NIBAN2: variants seen among roughly 807,000 people sequenced by gnomAD.
NIBAN2 encodes the protein protein Niban 2.
NIBAN2 carries 36 observed loss-of-function variants against 81.8 expected under a neutral mutation model. That is an observed-to-expected ratio of 0.44 (90% CI 0.34 to 0.58). The LOEUF is 0.58. NIBAN2 is among the 20% of genes least tolerant of loss of function. The probability of loss-of-function intolerance (pLI) is 0.02; values close to 1 mark genes in which losing one functional copy is unlikely to be tolerated. For missense variants in NIBAN2, 897 were observed against 1,014.1 expected (o/e 0.88, Z 1.57); for synonymous variants, 445 against 441.6 (o/e 1.01, Z -0.10).
chr9:127,513,692 C>T (rs1836775069), intron 8 of NIBAN2, among the ~76,000 whole-genome samples: 1 of 152,158 alleles, frequency 6.6e-6, no homozygotes, highest in Admixed American at 6.5e-5. Context: ...AATAATCCAC[C>T]CCTTGTTTAG....
chr9:127,518,467 C>G (rs1371893131), intron 5 of NIBAN2, among the ~76,000 whole-genome samples: 1 of 152,240 alleles, frequency 6.6e-6, no homozygotes, highest in Admixed American at 6.5e-5. Flanking sequence ...ATTCTCAGCC[C>G]GGCAGGCCAT....
At chr9:127,570,108 T>G (rs998434039), upstream of NIBAN2, among the ~76,000 whole-genome samples, 1 of 152,162 alleles carries the variant, frequency 6.6e-6, no homozygotes. Flanking sequence ...TTTCTGCTTG[T>G]TGACCCCTGG....
Position 127,553,423 on chromosome 9 carries a change from G to A in NIBAN2, c.55+15397C>T, listed in dbSNP as rs536523079. ...CCAGGAGGGAAGGAGTTCCCTGGCTGGGGACTGAACCCCGAGGACGGAAAC... is the reference window on the plus strand; with the variant it reads ...CCAGGAGGGAAGGAGTTCCCTGGCTAGGGACTGAACCCCGAGGACGGAAAC... On this transcript the variant is annotated intron_variant, in intron 1 of 13. Transcript: ENST00000373312. Among the ~76,000 whole-genome samples the A allele has an allele frequency of 3.9e-5, 6 of 152,346 alleles. No homozygotes were observed. The East Asian group carries it at 1.2e-3, about 29-fold the overall frequency.
chr9:127,506,881 G>C lies in NIBAN2; in HGVS notation c.2205C>G (p.Thr735=). The change falls in exon 14 of 14, where the codon ACC becomes ACG. Residue 735 remains threonine, a synonymous_variant. Coordinates refer to ENST00000373312, the MANE Select transcript of NIBAN2 (RefSeq NM_022833.4). The part of the protein sequence containing the change: ...SPSSHPALHT[T]TEDSAGVQTE... Reference sequence around the variant, plus strand: ...TCTGCACCCCTGCACTGTCCTCGGTGGTGGTGTGGAGGGCGGGGTGGCTGC... The same window carrying C: ...TCTGCACCCCTGCACTGTCCTCGGTCGTGGTGTGGAGGGCGGGGTGGCTGC... 4.3e-6 allele frequency: 7 copies of C among 1,612,734 alleles called. No homozygotes were observed. Among genetic ancestry groups the C allele is most frequent in the Non-Finnish European group, 5.9e-6 (7 of 1,179,522 alleles).
At position 127,523,554 on chromosome 9, in the gene NIBAN2, G is replaced by C. The variant is rs184275710; in HGVS notation, c.589+125C>G. 239 of 896,340 alleles carry C rather than the reference G, an allele frequency of 2.7e-4. No individual in the cohort carries two copies. In the African/African-American group the frequency reaches 3.6e-3, roughly 13 times the overall value. 55.5% of individuals were successfully genotyped at this position (896,340 alleles called of 1,614,324 possible). A position where few individuals can be genotyped will look rare whatever the true frequency, so the allele number is the denominator to read the frequency against. ...TACATGGTTTCTTATAACCCCAGAA[G>C]GGAAATTAGAACAGCCTGTAGAGCA... On this transcript the variant is annotated intron_variant, in intron 5 of 13. Transcript: ENST00000373312.
Position 127,546,964 on chromosome 9 carries a change from C to CTA in NIBAN2, c.56-15188_56-15187dup, listed in dbSNP as rs533851975. 1.9e-4 allele frequency among the ~76,000 whole-genome samples: 28 copies of CTA among 151,194 alleles called. 1 individual carries two copies. The South Asian group carries it at 3.8e-3, about 20-fold the overall frequency. ...GCAGCTGAGACACAAAGAGTCCCTGCTAGGGGAGGGAGGACACCGGGAAGG... is the reference window on the plus strand; with the variant it reads ...GCAGCTGAGACACAAAGAGTCCCTGCTATAGGGGAGGGAGGACACCGGGAAGG... On this transcript the variant is annotated intron_variant, in intron 1 of 13. Transcript: ENST00000373312.
chr9:127,525,286 G>GAGA (rs397740013), intron 3 of NIBAN2, 123 bp from the exon 4 acceptor site: 2 of 673,464 alleles, frequency 3.0e-6, no homozygotes, highest in South Asian at 3.5e-5. Flanking sequence ...GGAAGAAGAG[G>GAGA]CAAGAGAGGA....
chr9:127,515,450 G>A (rs1836808935), intron 8 of NIBAN2, among the ~76,000 whole-genome samples: 1 of 151,200 alleles, frequency 6.6e-6, no homozygotes, highest in Admixed American at 6.6e-5. Flanking sequence ...GAACCCGGGA[G>A]GTGGAGCTTG....
rs1162608545 is a variant in NIBAN2 at position 127,508,854 on chromosome 9, G to C, written c.1317+122C>G. ...CAGATGTTCCAAGCAGAGGAGGAGA[G>C]AGCGTGCCAGGCAAGCGTGGCTATG... On this transcript the variant is annotated intron_variant, in intron 10 of 13. Transcript: ENST00000373312. The surrounding 1 kb of genome is among the most constrained non-coding windows in gnomAD (Gnocchi z 6.4). 6.3e-6 allele frequency: 7 copies of C among 1,109,960 alleles called. No individual in the cohort carries two copies. In the South Asian group the frequency reaches 6.4e-5, roughly 10 times the overall value. The allele number at this position is 1,109,960 out of a possible 1,614,324, so 68.8% of individuals were successfully genotyped here.
chr9:127,539,797 C>A (rs1837344592), intron 1 of NIBAN2, among the ~76,000 whole-genome samples: 1 of 152,150 alleles, frequency 6.6e-6, no homozygotes, highest in Non-Finnish European at 1.5e-5. Context: ...GAACTAGGCA[C>A]CCCCCATCAC....
chr9:127,562,144 A>G (rs1837785161), intron 1 of NIBAN2, among the ~76,000 whole-genome samples: 1 of 152,002 alleles, frequency 6.6e-6, no homozygotes, highest in African/African-American at 2.4e-5. Flanking sequence ...TGTGCAACCT[A>G]TGGGAGGGAG....
intron 1 of NIBAN2, among the ~76,000 whole-genome samples, chr9:127,538,723 T>A (rs1208807110): frequency 6.7e-6 from 1 of 150,310 alleles, no homozygotes; most frequent in Non-Finnish European, 1.5e-5. Flanking sequence ...GGCAGGCAGA[T>A]CACTTGAGGT....
intron 1 of NIBAN2, among the ~76,000 whole-genome samples, chr9:127,556,271 G>C (rs913589225): frequency 6.6e-6 from 1 of 151,954 alleles, no homozygotes; most frequent in Non-Finnish European, 1.5e-5. Flanking sequence ...AGACACGGAG[G>C]GGCCCAAACC....
At chr9:127,562,780 G>C (rs1213052813) in intron 1 of NIBAN2, among the ~76,000 whole-genome samples, 1 of 152,212 alleles carries the variant, frequency 6.6e-6, no homozygotes, top group African/African-American at 2.4e-5. Flanking sequence ...AAACCAACAT[G>C]TGAGAAACAA....
At position 127,509,883 on chromosome 9, in the gene NIBAN2, C is replaced by A. The variant is rs1333669575; in HGVS notation, c.1161+263G>T. 7 of 178,438 alleles carry A rather than the reference C, an allele frequency of 3.9e-5. No individual in the cohort carries two copies. The East Asian group carries it at 6.4e-4, about 16-fold the overall frequency. 11.1% of individuals were successfully genotyped at this position (178,438 alleles called of 1,614,324 possible). On this transcript the variant is annotated intron_variant, in intron 9 of 13. Coordinates refer to ENST00000373312, the MANE Select transcript of NIBAN2 (RefSeq NM_022833.4). ...CTCCTTCCCTCTCTTCTGTTAAATT[C>A]TTTTCTATTTTAGCACCACTCTTGG...
chr9:127,537,436 A>G (rs1190659620), intron 1 of NIBAN2, among the ~76,000 whole-genome samples: 1 of 152,238 alleles, frequency 6.6e-6, no homozygotes, highest in East Asian at 1.9e-4. Context: ...ATAATCCAAT[A>G]AAGATTTGTT....
rs773237268 is a variant in NIBAN2, at chr9:127,507,009, G to T, written c.2077C>A (p.Pro693Thr). Residue 693 changes from proline to threonine, a missense_variant, in exon 14 of 14, where the codon CCG becomes ACG. Physicochemically the swap from Pro to Thr is conservative, Grantham distance 38 (BLOSUM62 -1). This residue lies in a region of NIBAN2 where 619 missense variants were observed against 691.0 expected (regional missense o/e 0.90). Coordinates refer to ENST00000373312, the MANE Select transcript of NIBAN2 (RefSeq NM_022833.4). This position sits in a 1 kb window ranked among gnomAD's most constrained non-coding sequence, Gnocchi z 6.8. ...QPKAAPEASS[P>T]PASPLQHLLP... ...AGATGCTGGAGGGGTGAGGCAGGCG[G>T]CGAGGAGGCCTCGGGGGCGGCCTTA... 12 of 1,594,672 alleles carry T rather than the reference G, an allele frequency of 7.5e-6. No homozygotes were observed. The South Asian group carries it at 1.3e-4, about 18-fold the overall frequency.
intron 1 of NIBAN2, among the ~76,000 whole-genome samples, chr9:127,553,757 C>T (rs540626586): frequency 9.8e-5 from 15 of 152,310 alleles, no homozygotes; most frequent in African/African-American, 3.6e-4. Context: ...TGCTCAGTTG[C>T]CCAGGCTGGA....
At position 127,536,111 on chromosome 9, in the gene NIBAN2, C is replaced by G. The variant is rs775173218; in HGVS notation, c.56-4333G>C. 6.6e-5 allele frequency among the ~76,000 whole-genome samples: 10 copies of G among 152,092 alleles called. No homozygotes were observed. The highest frequency in any genetic ancestry group is 6.5e-5 in the Admixed American group (1 of 15,268). On this transcript the variant is annotated intron_variant, in intron 1 of 13. Coordinates refer to ENST00000373312, the MANE Select transcript of NIBAN2 (RefSeq NM_022833.4). This position sits in a 1 kb window ranked among gnomAD's most constrained non-coding sequence, Gnocchi z 4.0. ...GATGGCTCCTTGGCAGGGGTAGCCC[C>G]GAGCACATTCTTGAGAGATGTCCTC...
Sources: allele counts gnomAD v4.1 joint callset (sites outside exome capture counted in the v4.1 genomes callset), GRCh38; gene constraint gnomAD v4.1.1; regional missense constraint gnomAD v4.1.1; non-coding constraint Gnocchi (gnomAD v3.1); transcripts MANE v1.5; gene names NCBI Gene and HGNC (gene_info 2026-07-23, HGNC 2026-07-21).